OMA1: variants seen among roughly 807,000 people sequenced by gnomAD.
The protein encoded by OMA1 is OMA1 zinc metallopeptidase, also known as metalloendopeptidase OMA1, mitochondrial.
OMA1 carries 38 observed loss-of-function variants against 30.9 expected under a neutral mutation model. The observed-to-expected ratio is 1.23, with a 90% CI of 0.95 to 1.61. OMA1 has a LOEUF of 1.61. Among genes scored for constraint, OMA1 ranks in the 40% most tolerant of loss-of-function variants. The probability of loss-of-function intolerance (pLI) is 0.00; values close to 1 mark genes in which losing one functional copy is unlikely to be tolerated. For missense variants in OMA1, 461 were observed against 349.2 expected (o/e 1.32, Z -2.55); for synonymous variants, 173 against 121.9 (o/e 1.42, Z -2.76).
At chr1:58,512,174 G>A (rs945128473) in intron 7 of OMA1, among the ~76,000 whole-genome samples, 13 of 151,890 alleles carry the variant, frequency 8.6e-5, no homozygotes, top group Non-Finnish European at 1.9e-4. Flanking sequence ...TAATCATCAG[G>A]GCAATGCAAA....
At chr1:58,523,451 T>C (rs1195424015) in intron 7 of OMA1, among the ~76,000 whole-genome samples, 1 of 152,190 alleles carries the variant, frequency 6.6e-6, no homozygotes, top group Non-Finnish European at 1.5e-5. Flanking sequence ...TTCCCTAAAG[T>C]ACCCTGTTGT....
chr1:58,488,225 C>T (rs541418617), intron 8 of OMA1, among the ~76,000 whole-genome samples: 5 of 152,098 alleles, frequency 3.3e-5, no homozygotes, highest in South Asian at 4.2e-4. Context: ...TTTACATGTG[C>T]GGAATTTTAA....
At chr1:58,512,059 CA>C (rs1226992415) in intron 7 of OMA1, among the ~76,000 whole-genome samples, 1 of 151,870 alleles carries the variant, frequency 6.6e-6, no homozygotes, top group Non-Finnish European at 1.5e-5. Flanking sequence ...AACTCAATAG[CA>C]AAAAACCCAA....
intron 1 of OMA1, among the ~76,000 whole-genome samples, chr1:58,544,397 T>C (rs1229088360): frequency 6.6e-6 from 1 of 151,964 alleles, no homozygotes; most frequent in Non-Finnish European, 1.5e-5. Context: ...AATGAGAAAA[T>C]ATGCTAGTAT....
At chr1:58,511,164 C>A (rs1000519628) in intron 7 of OMA1, among the ~76,000 whole-genome samples, 18 of 152,098 alleles carry the variant, frequency 1.2e-4, no homozygotes, top group African/African-American at 4.3e-4. Flanking sequence ...AACCCCAAAT[C>A]GCCAAAGCAA....
chr1:58,489,023 G>A (rs1044349951), intron 8 of OMA1, among the ~76,000 whole-genome samples: 20 of 152,254 alleles, frequency 1.3e-4, no homozygotes, highest in African/African-American at 4.8e-4. Flanking sequence ...CAGCGACGCA[G>A]AAGACGAACG....
At chr1:58,527,609 T>C (rs1035374418) in intron 6 of OMA1, among the ~76,000 whole-genome samples, 1 of 152,196 alleles carries the variant, frequency 6.6e-6, no homozygotes, top group African/African-American at 2.4e-5. Flanking sequence ...TTTTTCCAAT[T>C]ATAGTCTCCA....
At chr1:58,541,525 A>C (rs1646615161) in intron 1 of OMA1, 1 of 145,364 alleles carries the variant, frequency 6.9e-6, no homozygotes, top group East Asian at 2.2e-4. Flanking sequence ...CTGAGGCAGG[A>C]GAATCACTTG....
chr1:58,503,580 A>G (rs1645942332), intron 8 of OMA1, among the ~76,000 whole-genome samples: 1 of 152,022 alleles, frequency 6.6e-6, no homozygotes, highest in South Asian at 2.1e-4. Context: ...CGCCTTTGGG[A>G]GGCGATTGTC....
Position 58,536,643 on chromosome 1 carries a change from C to T in OMA1, c.599G>A (p.Ser200Asn), listed in dbSNP as rs755810819. 8.0e-6 allele frequency: 7 copies of T among 872,864 alleles called. No individual in the cohort carries two copies. Among genetic ancestry groups the T allele is most frequent in the Admixed American group, 5.1e-5 (3 of 59,186 alleles). 54.1% of individuals were successfully genotyped at this position (872,864 alleles called of 1,614,324 possible). The change falls in exon 3 of 9, where the codon AGT (serine) becomes AAT (asparagine). Residue 200 changes from serine to asparagine, a missense_variant. By Grantham distance (46) the Ser-to-Asn change is conservative (BLOSUM62 1). Transcript: ENST00000371226. ...CACCACAAAGAGCAATCCAAAACTA[C>T]TCAAACCAAGGAATAGCTTCCATTT... ...KNKWKLFLGL[S>N]SFGLLFVVFY...
intron 6 of OMA1, among the ~76,000 whole-genome samples, chr1:58,528,131 C>A (rs1646380250): frequency 6.6e-6 from 1 of 152,214 alleles, no homozygotes; most frequent in Non-Finnish European, 1.5e-5. Context: ...TGACTTCCTT[C>A]CTTTTCAATC....
intron 8 of OMA1, among the ~76,000 whole-genome samples, chr1:58,497,798 C>T (rs1224585292): frequency 2.0e-5 from 3 of 152,114 alleles, no homozygotes; most frequent in Non-Finnish European, 4.4e-5. Flanking sequence ...TTTTCCTGAC[C>T]ACCTCTCTAC....
intron 7 of OMA1, among the ~76,000 whole-genome samples, chr1:58,511,562 G>A (rs563436238): frequency 2.6e-5 from 4 of 152,134 alleles, no homozygotes; most frequent in African/African-American, 9.6e-5. Context: ...CTGGGAAGTC[G>A]AGGCTAGAGT....
At position 58,532,928 on chromosome 1, in the gene OMA1, T is replaced by C. The variant is rs547286227; in HGVS notation, c.1011+1025A>G. Reference sequence around the variant, plus strand: ...AATTTAGCCCATCTCATCTTATTAATAGTCTAAGGAACAGGTAGAATTTGA... The same window carrying C: ...AATTTAGCCCATCTCATCTTATTAACAGTCTAAGGAACAGGTAGAATTTGA... On this transcript the variant is annotated intron_variant, in intron 5 of 8. Transcript: ENST00000371226. Among the ~76,000 whole-genome samples the C allele has an allele frequency of 2.3e-4, 35 of 152,332 alleles. No individual in the cohort carries two copies. The South Asian group carries it at 6.8e-3, about 30-fold the overall frequency.
intron 7 of OMA1, among the ~76,000 whole-genome samples, chr1:58,523,816 G>A (rs1646306662): frequency 6.6e-6 from 1 of 152,156 alleles, no homozygotes; most frequent in African/African-American, 2.4e-5. Flanking sequence ...GGAGAATGGT[G>A]TGAAGCTGGG....
At chr1:58,531,920 G>A (rs747369537) in intron 5 of OMA1, among the ~76,000 whole-genome samples, 1 of 151,962 alleles carries the variant, frequency 6.6e-6, no homozygotes, top group South Asian at 2.1e-4. Flanking sequence ...TGTTGGCCAG[G>A]CTGGTCTTGA....
intron 8 of OMA1, among the ~76,000 whole-genome samples, chr1:58,483,808 C>T (rs527844919): frequency 9.8e-5 from 15 of 152,310 alleles, no homozygotes; most frequent in East Asian, 5.8e-4. Context: ...AAAATTGGGA[C>T]GTACGGTCAC....
intron 2 of OMA1, among the ~76,000 whole-genome samples, chr1:58,538,419 T>A (rs1308813867): frequency 6.6e-6 from 1 of 152,210 alleles, no homozygotes; most frequent in Non-Finnish European, 1.5e-5. Flanking sequence ...TGTTTGTAAG[T>A]ACTCTTCTTA....
chr1:58,521,804 G>A (rs1646268880), intron 7 of OMA1, among the ~76,000 whole-genome samples: 3 of 152,178 alleles, frequency 2.0e-5, no homozygotes, highest in Admixed American at 2.0e-4. Flanking sequence ...AGGCCCATAT[G>A]GCTTTACCCA....
Sources: allele counts gnomAD v4.1 joint callset (sites outside exome capture counted in the v4.1 genomes callset), GRCh38; gene constraint gnomAD v4.1.1; transcripts MANE v1.5; gene names NCBI Gene and HGNC (gene_info 2026-07-23, HGNC 2026-07-21).